FIRRM: variants seen among roughly 807,000 people sequenced by gnomAD.
FIRRM encodes FIGNL1-interacting regulator of recombination and mitosis.
chr1:169,833,417 T>A, the FIRRM span, among the ~76,000 whole-genome samples: 1 of 152,238 alleles, frequency 6.6e-6, no homozygotes, highest in Non-Finnish European at 1.5e-5. Flanking sequence ...TAAGGTCTTA[T>A]GGTCCTCGGT....
the FIRRM span, chr1:169,823,540 C>A: frequency 1.2e-6 from 1 of 854,882 alleles, no homozygotes; most frequent in Non-Finnish European, 1.8e-6. Context: ...GCTTAAGTAC[C>A]TACCATTTTA....
At chr1:169,848,972 T>C in the FIRRM span, among the ~76,000 whole-genome samples, 4 of 152,216 alleles carry the variant, frequency 2.6e-5, no homozygotes, top group African/African-American at 4.8e-5. Flanking sequence ...GTTTTAATCA[T>C]TGGCAATGCA....
At chr1:169,799,020 C>T in the FIRRM span, 1 of 638,102 alleles carries the variant, frequency 1.6e-6, no homozygotes, top group Non-Finnish European at 2.7e-6. Context: ...TCCCCACATA[C>T]CTCGGTAGAT....
chr1:169,837,008 C>G, the FIRRM span: 1 of 1,613,900 alleles, frequency 6.2e-7, no homozygotes, highest in South Asian at 1.1e-5. Flanking sequence ...GGCGTTACCT[C>G]CTGAGCTTAG....
chr1:169,807,866 C>G, the FIRRM span: 1 of 1,609,640 alleles, frequency 6.2e-7, no homozygotes, highest in Non-Finnish European at 8.5e-7. Context: ...TGTGTGAAGA[C>G]ATTCTTTTCT....
the FIRRM span, among the ~76,000 whole-genome samples, chr1:169,840,106 T>C: frequency 6.6e-6 from 1 of 152,202 alleles, no homozygotes; most frequent in African/African-American, 2.4e-5. Context: ...ACCTGTATCA[T>C]GATGTTTTGG....
chr1:169,793,729 G>T, the FIRRM span: 2 of 1,522,422 alleles, frequency 1.3e-6, no homozygotes, highest in Non-Finnish European at 1.8e-6. Flanking sequence ...TTTAAATTCA[G>T]ATTCTTCAAC....
the FIRRM span, among the ~76,000 whole-genome samples, chr1:169,839,691 G>A: frequency 1.3e-5 from 2 of 152,140 alleles, no homozygotes; most frequent in Non-Finnish European, 2.9e-5. Flanking sequence ...CATTTTATGG[G>A]TTGTCTGTTT....
the FIRRM span, chr1:169,853,059 C>T: frequency 6.8e-7 from 1 of 1,476,258 alleles, no homozygotes; most frequent in South Asian, 1.2e-5. Flanking sequence ...CATTTTCTAA[C>T]AGATATAAAA....
chr1:169,815,553 T>A, the FIRRM span, among the ~76,000 whole-genome samples: 1 of 152,304 alleles, frequency 6.6e-6, no homozygotes, highest in South Asian at 2.1e-4. Flanking sequence ...TCTTTTATCA[T>A]GCTAATGCAT....
At chr1:169,840,435 T>C in the FIRRM span, among the ~76,000 whole-genome samples, 1 of 152,226 alleles carries the variant, frequency 6.6e-6, no homozygotes, top group African/African-American at 2.4e-5. Context: ...TAGAGATCTT[T>C]CACCTCCTTG....
At chr1:169,827,318 T>C in the FIRRM span, 2 of 881,480 alleles carry the variant, frequency 2.3e-6, no homozygotes, top group Non-Finnish European at 1.7e-6. Flanking sequence ...TTTTACTTTC[T>C]TTTCTTGAAA....
the FIRRM span, among the ~76,000 whole-genome samples, chr1:169,825,548 G>A: frequency 6.6e-6 from 1 of 152,124 alleles, no homozygotes; most frequent in African/African-American, 2.4e-5. Flanking sequence ...ATAGTTGATT[G>A]AAAAAATAAA....
the FIRRM span, among the ~76,000 whole-genome samples, chr1:169,821,982 G>C: frequency 6.6e-6 from 1 of 152,050 alleles, no homozygotes; most frequent in Admixed American, 6.6e-5. Flanking sequence ...AGTTTTTATT[G>C]TATTATAAGA....
the FIRRM span, among the ~76,000 whole-genome samples, chr1:169,790,070 GT>G: frequency 6.6e-6 from 1 of 152,130 alleles, no homozygotes; most frequent in African/African-American, 2.4e-5. Flanking sequence ...CTGCGTATCT[GT>G]TTCCTGGATT....
the FIRRM span, chr1:169,842,647 G>C: frequency 7.6e-7 from 1 of 1,319,958 alleles, no homozygotes; most frequent in Non-Finnish European, 1.0e-6. Flanking sequence ...AATTCTTTTG[G>C]GTGCTTGGTA....
At chr1:169,821,166 CAAAT>C in the FIRRM span, among the ~76,000 whole-genome samples, 9 of 152,258 alleles carry the variant, frequency 5.9e-5, no homozygotes, top group African/African-American at 1.7e-4. Flanking sequence ...CTTTGCTAAT[CAAAT>C]AACCCTCAAA....
chr1:169,831,987 G>A, the FIRRM span, among the ~76,000 whole-genome samples: 3 of 152,056 alleles, frequency 2.0e-5, no homozygotes, highest in African/African-American at 7.2e-5. Context: ...TCAAACTCCC[G>A]GGCTCAAGCA....
chr1:169,809,021 C>A, the FIRRM span, among the ~76,000 whole-genome samples: 1 of 152,202 alleles, frequency 6.6e-6, no homozygotes, highest in Admixed American at 6.5e-5. Context: ...CTGCGCTCTT[C>A]CCTGCCAGTC....
Sources: gnomAD v4.1 joint callset for allele counts (sites outside exome capture counted in the v4.1 genomes callset) on GRCh38, gnomAD v4.1.1 for gene constraint, MANE v1.5 for transcripts, NCBI Gene and HGNC (gene_info 2026-07-23, HGNC 2026-07-21) for gene names.